USP3: variants seen among roughly 807,000 people sequenced by gnomAD.
USP3 encodes ubiquitin carboxyl-terminal hydrolase 3.
In USP3, 20 loss-of-function variants were observed where a neutral mutation model predicts 72.3. The ratio of observed to expected loss-of-function variants is 0.28; its 90% confidence interval spans 0.19 to 0.40. USP3 has a LOEUF of 0.40. Ranked by LOEUF, USP3 falls within the 10% of genes least tolerant of loss-of-function variation. The pLI is 1.00. For synonymous variants in USP3, 222 were observed against 225.3 expected (o/e 0.99, Z 0.13); for missense variants, 479 against 633.9 (o/e 0.76, Z 2.62).
chr15:63,534,908 T>A (rs1355872750), intron 2 of USP3, among the ~76,000 whole-genome samples: 1 of 112,516 alleles, frequency 8.9e-6, no homozygotes, highest in Non-Finnish European at 2.2e-5. Context: ...AGAGTTTGCC[T>A]TTTATTTGTT....
intron 4 of USP3, 59 bp from the exon 5 acceptor site, chr15:63,556,608 C>A: frequency 2.2e-6 from 3 of 1,356,292 alleles, no homozygotes; most frequent in African/African-American, 1.5e-5. Context: ...TATTCTTTCA[C>A]CTGTGGTGTA....
At chr15:63,569,121 T>C (rs1042737139) in intron 8 of USP3, among the ~76,000 whole-genome samples, 2 of 152,214 alleles carry the variant, frequency 1.3e-5, no homozygotes, top group African/African-American at 4.8e-5. Context: ...ATGAAATTTT[T>C]TTGTAAGTGA....
At chr15:63,569,057 A>G (rs1458232460) in intron 8 of USP3, among the ~76,000 whole-genome samples, 1 of 152,218 alleles carries the variant, frequency 6.6e-6, no homozygotes, top group East Asian at 1.9e-4. Context: ...GCTGGTTTTC[A>G]TGATACATTT....
At chr15:63,577,793 G>T (rs1247340008) in intron 11 of USP3, among the ~76,000 whole-genome samples, 1 of 151,982 alleles carries the variant, frequency 6.6e-6, no homozygotes, top group African/African-American at 2.4e-5. Context: ...ACTGGGCATG[G>T]TGGTATATGC....
At chr15:63,555,357 A>G (rs575212533) in intron 4 of USP3, among the ~76,000 whole-genome samples, 1 of 152,366 alleles carries the variant, frequency 6.6e-6, no homozygotes, top group East Asian at 1.9e-4. Flanking sequence ...AGCACTGTCC[A>G]GCAGAACTTT....
intron 3 of USP3, among the ~76,000 whole-genome samples, chr15:63,551,109 T>C (rs2066430281): frequency 6.6e-6 from 1 of 152,252 alleles, no homozygotes; most frequent in Admixed American, 6.5e-5. Context: ...ATTTCACTGA[T>C]TGTGACTAAT....
intron 1 of USP3, among the ~76,000 whole-genome samples, chr15:63,525,282 G>A (rs1473859521): frequency 6.6e-6 from 1 of 152,156 alleles, no homozygotes; most frequent in African/African-American, 2.4e-5. Flanking sequence ...TGGATTTGGT[G>A]CTCATGCCTG....
intron 1 of USP3, among the ~76,000 whole-genome samples, chr15:63,509,567 G>A (rs543403968): frequency 2.6e-5 from 4 of 152,272 alleles, no homozygotes; most frequent in African/African-American, 9.6e-5. Flanking sequence ...TTAAAAATCA[G>A]TGGACAGGTG....
chr15:63,564,380 T>G (rs1277579267), intron 8 of USP3, among the ~76,000 whole-genome samples: 1 of 152,158 alleles, frequency 6.6e-6, no homozygotes, highest in African/African-American at 2.4e-5. Context: ...TCCAGGTGTT[T>G]GTGGAGTTGG....
intron 11 of USP3, among the ~76,000 whole-genome samples, chr15:63,587,121 A>C (rs954513570): frequency 1.3e-5 from 2 of 152,142 alleles, no homozygotes; most frequent in African/African-American, 4.8e-5. Context: ...TATTATTTAA[A>C]GATACATACA....
intron 1 of USP3, among the ~76,000 whole-genome samples, chr15:63,513,706 G>T (rs537562524): frequency 2.0e-5 from 3 of 152,044 alleles, no homozygotes; most frequent in Non-Finnish European, 4.4e-5. Flanking sequence ...GATTTAAATT[G>T]TTCATTACTT....
chr15:63,588,979 C>G lies in USP3; in HGVS notation c.1365C>G (p.Asp455Glu). 6.2e-7 allele frequency: 1 copy of G among 1,613,942 alleles called. No homozygotes were observed. Among genetic ancestry groups the G allele is most frequent in the Non-Finnish European group, 8.5e-7 (1 of 1,180,026 alleles). The change falls in exon 14 of 15, where the codon GAC (aspartate) becomes GAG (glutamate). Residue 455 changes from aspartate to glutamate, a missense_variant. Asp to Glu is a conservative substitution (Grantham distance 45). Transcript: ENST00000380324. The surrounding 1 kb of genome is among the most constrained non-coding windows in gnomAD (Gnocchi z 4.6). ...ENSGPESCLY[D>E]LAAVVVHHGS... is the part of the protein sequence containing the mutation. ...GTGGCCCGGAGAGCTGCCTGTATGACCTCGCCGCTGTGGTGGTGCACCATG... is the reference window on the plus strand; with the variant it reads ...GTGGCCCGGAGAGCTGCCTGTATGAGCTCGCCGCTGTGGTGGTGCACCATG...
At position 63,504,833 on chromosome 15, in the gene USP3, G is replaced by A; in HGVS notation, c.91+3G>A. 1.2e-6 allele frequency: 2 copies of A among 1,604,232 alleles called. No homozygotes were observed. The highest frequency in any genetic ancestry group is 1.7e-6 in the Non-Finnish European group (2 of 1,176,534). On this transcript the variant is annotated splice_donor_region_variant and intron_variant, in intron 1 of 14. Coordinates refer to ENST00000380324, the MANE Select transcript of USP3 (RefSeq NM_006537.4). The stretch of plus-strand genomic sequence containing the variant: ...CCCGTCGTCCTGGTGCTGCAGCGGT[G>A]AGTGCGGCCACGGGCCGGCCCCGCA...
chr15:63,551,303 G>A (rs1486615531), intron 3 of USP3: 1 of 151,880 alleles, frequency 6.6e-6, no homozygotes, highest in African/African-American at 2.4e-5. Context: ...ACCTTGTTGA[G>A]TCTTTTTTCT....
intron 1 of USP3, among the ~76,000 whole-genome samples, chr15:63,517,078 A>G (rs2065859938): frequency 6.6e-6 from 1 of 151,416 alleles, no homozygotes; most frequent in African/African-American, 2.4e-5. Flanking sequence ...TTTAGGGTAC[A>G]TGTGCACAAT....
intron 11 of USP3, among the ~76,000 whole-genome samples, chr15:63,578,658 T>A (rs1337005509): frequency 2.0e-5 from 3 of 150,724 alleles, no homozygotes; most frequent in Non-Finnish European, 3.0e-5. Context: ...GTTAACTTGA[T>A]GACAATTATT....
intron 1 of USP3, among the ~76,000 whole-genome samples, chr15:63,512,369 T>C (rs2065800361): frequency 6.6e-6 from 1 of 151,190 alleles, no homozygotes; most frequent in Non-Finnish European, 1.5e-5. Context: ...TTCTTCTTTC[T>C]TCTTTCTTCT....
Position 63,588,220 on chromosome 15 carries a change from A to AT in USP3, c.1097-81dup. ...AGGTCGTATAGCTAATAAAGCTGAG[A>AT]TTTTAAACCTGGGTCTTTTTTCTAC... On this transcript the variant is annotated intron_variant, in intron 11 of 14. Transcript: ENST00000380324. This position sits in a 1 kb window ranked among gnomAD's most constrained non-coding sequence, Gnocchi z 4.6. 2 of 1,067,984 alleles carry AT rather than the reference A, an allele frequency of 1.9e-6. No individual in the cohort carries two copies. Among genetic ancestry groups the AT allele is most frequent in the Non-Finnish European group, 2.7e-6 (2 of 741,270 alleles). The allele number at this position is 1,067,984 out of a possible 1,614,324, so 66.2% of individuals were successfully genotyped here.
intron 4 of USP3, among the ~76,000 whole-genome samples, chr15:63,556,138 C>T (rs998787849): frequency 1.3e-5 from 2 of 152,152 alleles, no homozygotes; most frequent in East Asian, 1.9e-4. Context: ...TCCTTTGGAG[C>T]GTAGCTGCAT....
Sources: gnomAD v4.1 joint callset for allele counts (sites outside exome capture counted in the v4.1 genomes callset) on GRCh38, gnomAD v4.1.1 for gene constraint, Gnocchi (gnomAD v3.1) non-coding constraint, MANE v1.5 for transcripts, NCBI Gene and HGNC (gene_info 2026-07-23, HGNC 2026-07-21) for gene names.